CFAP54: variants seen among roughly 807,000 people sequenced by gnomAD.
CFAP54 encodes cilia and flagella associated protein 54, also known as cilia- and flagella-associated protein 54.
A neutral mutation model predicts 370.4 loss-of-function variants in CFAP54; 290 were observed. The ratio of observed to expected loss-of-function variants is 0.78; its 90% CI spans 0.71 to 0.86. The LOEUF (loss-of-function observed/expected upper bound fraction) is 0.86. CFAP54 is among the 40% of genes least tolerant of loss of function. CFAP54 has a pLI of 0.00. For missense variants in CFAP54, 3,399 were observed against 3,528.7 expected (o/e 0.96, Z 0.93); for synonymous variants, 1,206 against 1,236.5 (o/e 0.98, Z 0.52).
At position 96,781,453 on chromosome 12, in the gene CFAP54, T is replaced by C. The variant is rs78481686; in HGVS notation, c.8282-3264T>C. On this transcript the variant is annotated intron_variant, in intron 60 of 67. Transcript: ENST00000524981. ...CCTTAGTGAAAGTAATTTGATCATA[T>C]TGAAGCAAACAATTCCTATACAATC... 1.7e-3 allele frequency among the ~76,000 whole-genome samples: 265 copies of C among 152,244 alleles called. 5 individuals are homozygous for C. In the East Asian group the frequency reaches 0.045, roughly 26 times the overall value.
intron 50 of CFAP54, among the ~76,000 whole-genome samples, chr12:96,729,680 G>A (rs1957893842): frequency 6.6e-6 from 1 of 152,200 alleles, no homozygotes; most frequent in South Asian, 2.1e-4. Flanking sequence ...CTCGCGCACG[G>A]CGCGCTGCAC....
intron 17 of CFAP54, among the ~76,000 whole-genome samples, chr12:96,560,003 TATA>T (rs1955798808): frequency 6.6e-6 from 1 of 152,176 alleles, no homozygotes; most frequent in Non-Finnish European, 1.5e-5. Flanking sequence ...TTAATTGGTA[TATA>T]ATAATTGTAC....
chr12:96,679,036 G>A (rs932608932), intron 39 of CFAP54, among the ~76,000 whole-genome samples: 5 of 152,138 alleles, frequency 3.3e-5, no homozygotes, highest in Non-Finnish European at 7.3e-5. Context: ...ACTCTTCAGA[G>A]ACCTCGAAGC....
intron 23 of CFAP54, among the ~76,000 whole-genome samples, chr12:96,591,350 A>G (rs1190448515): frequency 2.0e-5 from 3 of 152,142 alleles, no homozygotes; most frequent in Non-Finnish European, 4.4e-5. Flanking sequence ...CGCTAAGGAA[A>G]AAAAAGAAAA....
intron 55 of CFAP54, among the ~76,000 whole-genome samples, chr12:96,745,193 G>A (rs963745386): frequency 2.6e-5 from 4 of 152,094 alleles, no homozygotes; most frequent in African/African-American, 9.7e-5. Context: ...ATATTCCTTT[G>A]GGTATTACCT....
intron 55 of CFAP54, among the ~76,000 whole-genome samples, chr12:96,750,412 C>G (rs1446796172): frequency 6.6e-6 from 1 of 152,196 alleles, no homozygotes; most frequent in Non-Finnish European, 1.5e-5. Flanking sequence ...CCTTCTGTTC[C>G]TCCCTCTCGT....
chr12:96,837,671 A>C (rs1959190640), intron 66 of CFAP54, among the ~76,000 whole-genome samples: 1 of 152,204 alleles, frequency 6.6e-6, no homozygotes, highest in African/African-American at 2.4e-5. Context: ...CATCTTCTAG[A>C]GATAGCCCTG....
At chr12:96,523,675 A>G (rs1197071811) in intron 8 of CFAP54, among the ~76,000 whole-genome samples, 1 of 145,730 alleles carries the variant, frequency 6.9e-6, no homozygotes, top group Non-Finnish European at 1.5e-5. Context: ...TAGTCTTTGT[A>G]AAAGGACAGG....
intron 65 of CFAP54, among the ~76,000 whole-genome samples, chr12:96,821,448 T>C (rs1959033086): frequency 6.6e-6 from 1 of 152,166 alleles, no homozygotes; most frequent in Non-Finnish European, 1.5e-5. Context: ...TTTTCACTCT[T>C]AATGTTCTTC....
chr12:96,835,787 A>C (rs1959184273), intron 66 of CFAP54, among the ~76,000 whole-genome samples: 1 of 152,200 alleles, frequency 6.6e-6, no homozygotes, highest in Admixed American at 6.5e-5. Context: ...TGGTTTGGGC[A>C]GCTGCAGCTA....
chr12:96,504,882 C>T (rs1955074650), intron 3 of CFAP54, among the ~76,000 whole-genome samples: 1 of 152,034 alleles, frequency 6.6e-6, no homozygotes, highest in Non-Finnish European at 1.5e-5. Flanking sequence ...TAGCCTTGAC[C>T]CCCTACCTTC....
chr12:96,811,252 G>A (rs749937478), intron 63 of CFAP54, among the ~76,000 whole-genome samples: 1 of 152,194 alleles, frequency 6.6e-6, no homozygotes, highest in Non-Finnish European at 1.5e-5. Flanking sequence ...ACTAGAGCAT[G>A]AATCATCAAG....
chr12:96,638,571 T>C (rs1956688434), intron 32 of CFAP54, among the ~76,000 whole-genome samples: 1 of 152,120 alleles, frequency 6.6e-6, no homozygotes, highest in African/African-American at 2.4e-5. Context: ...ATTGTTTTCA[T>C]TCTCATTTAG....
intron 60 of CFAP54, among the ~76,000 whole-genome samples, chr12:96,771,521 G>T (rs1209420357): frequency 6.6e-6 from 1 of 152,150 alleles, no homozygotes; most frequent in Non-Finnish European, 1.5e-5. Flanking sequence ...GCGCGGTGGT[G>T]GGCCCCTGTA....
chr12:96,505,895 G>A (rs186480263), intron 3 of CFAP54, among the ~76,000 whole-genome samples: 80 of 152,208 alleles, frequency 5.3e-4, no homozygotes, highest in Non-Finnish European at 9.4e-4. Flanking sequence ...AGCAGTGTCC[G>A]TTTCTTCCTC....
intron 1 of CFAP54, among the ~76,000 whole-genome samples, chr12:96,499,732 G>A (rs922883880): frequency 6.6e-6 from 1 of 152,110 alleles, no homozygotes; most frequent in African/African-American, 2.4e-5. Context: ...GATTACCTGA[G>A]GTCAGGAGTT....
chr12:96,520,786 C>T (rs996382606), intron 6 of CFAP54, among the ~76,000 whole-genome samples: 48 of 152,362 alleles, frequency 3.2e-4, no homozygotes, highest in African/African-American at 1.1e-3. Flanking sequence ...TTGTGTAGGA[C>T]TGCCTTCATG....
At chr12:96,635,879 C>T (rs370405596) in intron 32 of CFAP54, among the ~76,000 whole-genome samples, 1 of 152,320 alleles carries the variant, frequency 6.6e-6, no homozygotes, top group African/African-American at 2.4e-5. Flanking sequence ...GCTACTGTCC[C>T]TGTGGAGTTG....
chr12:96,732,806 C>T (rs1333746629), intron 50 of CFAP54, among the ~76,000 whole-genome samples: 1 of 151,818 alleles, frequency 6.6e-6, no homozygotes, highest in Non-Finnish European at 1.5e-5. Flanking sequence ...ACCATTTCCT[C>T]CATTGGAGTT....
Sources: gnomAD v4.1 joint callset for allele counts (sites outside exome capture counted in the v4.1 genomes callset) on GRCh38, gnomAD v4.1.1 for gene constraint, MANE v1.5 for transcripts, NCBI Gene and HGNC (gene_info 2026-07-23, HGNC 2026-07-21) for gene names.